The following CAMTA2 variants were observed in gnomAD, a reference collection of about 807,000 sequenced individuals.
CAMTA2 encodes the protein calmodulin-binding transcription activator 2.
Under a neutral mutation model 135.7 loss-of-function variants are expected in CAMTA2, and 56 were observed. The observed-to-expected ratio is 0.41, with a 90% CI of 0.33 to 0.52. The LOEUF is 0.52. CAMTA2 is among the 20% of genes least tolerant of loss of function. The pLI, the probability that CAMTA2 is intolerant of heterozygous loss-of-function variation, is 0.16. For missense variants in CAMTA2, 1,358 were observed against 1,553.4 expected (o/e 0.87, Z 2.11); for synonymous variants, 591 against 604.6 (o/e 0.98, Z 0.33).
At chr17:4,982,935 C>A in intron 4 of CAMTA2, 41 bp downstream of exon 4, 3 of 1,614,130 alleles carry the variant, frequency 1.9e-6, no homozygotes, top group Non-Finnish European at 2.5e-6. Flanking sequence ...GAACAGAACC[C>A]AGGACCCCTG....
intron 10 of CAMTA2, 122 bp downstream of exon 10, chr17:4,978,381 TG>T (rs2045260241): frequency 9.7e-7 from 1 of 1,033,806 alleles, no homozygotes; most frequent in Admixed American, 2.4e-5. Context: ...CAGGACTGGA[TG>T]AAGTCCTTGT....
rs748760001 is a variant in CAMTA2 at position 4,979,672 on chromosome 17, C to G, written c.1638+12G>C. ...TAGGAGGGAGGAGGGAGGAGGTAAG[C>G]CTGAGTCTCACCTCTGGGTAGGACC... On this transcript the variant is annotated intron_variant, in intron 9 of 22. Transcript: ENST00000348066. 1.3e-6 allele frequency: 2 copies of G among 1,569,054 alleles called. No homozygotes were observed. The highest frequency in any genetic ancestry group is 1.8e-6 in the Non-Finnish European group (2 of 1,141,860).
rs1182338409 is a variant in CAMTA2 at position 4,972,501 on chromosome 17, C to G, written c.2539G>C (p.Asp847His). 1 of 1,609,882 alleles carries G rather than the reference C, an allele frequency of 6.2e-7. No homozygotes were observed. Among genetic ancestry groups the G allele is most frequent in the Admixed American group, 1.7e-5 (1 of 58,860 alleles). The change falls in exon 16 of 23, where the codon GAT (aspartate) becomes CAT (histidine). Residue 847 changes from aspartate (D) to histidine (H), a missense_variant. Physicochemically the swap from Asp to His is moderately conservative, Grantham distance 81. Coordinates refer to ENST00000348066, the MANE Select transcript of CAMTA2 (RefSeq NM_015099.4). The stretch of plus-strand genomic sequence containing the variant: ...GCTGACGTGACGGAAAAGGTGCCAT[C>G]CGACAGCTCCGAGGGCGAGGAGACG... Reference protein sequence around the residue: ...SSVSSPSELSDGTFSVTSAYS... With the variant: ...SSVSSPSELSHGTFSVTSAYS...
chr17:4,982,149 G>T lies in CAMTA2; in HGVS notation c.351C>A (p.Gly117=). The T allele has an allele frequency of 7.3e-7, 1 of 1,372,792 alleles. No individual in the cohort carries two copies. The highest frequency in any genetic ancestry group is 9.9e-7 in the Non-Finnish European group (1 of 1,009,316). 85.0% of individuals were successfully genotyped at this position (1,372,792 alleles called of 1,614,324 possible). The part of the protein sequence containing the change: ...LKVQGMECLY[G]CYVHSSIVPT... The stretch of plus-strand genomic sequence containing the variant: ...GGACGATGGAAGAGTGAACGTAGCA[G>T]CCATAGAGACACTGCCAGGAGACAG... The change falls in exon 6 of 23, where the codon GGC becomes GGA. Residue 117 remains glycine, a synonymous_variant. Transcript: ENST00000348066.
In CAMTA2 at chr17:4,980,340, G is replaced by T; in HGVS notation, c.982C>A (p.Leu328Met). ...CCAGCCCGCTGCTCCAGTCCTGTCA[G>T]GAGGAGGATAGCAGTGCCTCCTCTT... ...SSRGGTAILL[L>M]TGLEQRAGGL... The change falls in exon 9 of 23, where the codon CTG (leucine) becomes ATG (methionine). Residue 328 changes from leucine to methionine, a missense_variant. Coordinates refer to ENST00000348066, the MANE Select transcript of CAMTA2 (RefSeq NM_015099.4). The surrounding 1 kb of genome is among the most constrained non-coding windows in gnomAD (Gnocchi z 5.3). 1 of 1,614,040 alleles carries T rather than the reference G, an allele frequency of 6.2e-7. No homozygotes were observed.
intron 16 of CAMTA2, 21 bp downstream of exon 16, chr17:4,972,211 C>G (rs759048840): frequency 6.3e-7 from 1 of 1,599,618 alleles, no homozygotes; most frequent in Admixed American, 1.7e-5. Context: ...GCCCCCATAA[C>G]TCCATCAATA....
intron 1 of CAMTA2, 127 bp downstream of exon 1, chr17:4,987,466 G>A (rs916980666): frequency 3.0e-5 from 42 of 1,386,584 alleles, no homozygotes; most frequent in Non-Finnish European, 3.8e-5. Context: ...GAGGACGGAA[G>A]CGGGAGGTGA....
Position 4,983,043 on chromosome 17 carries a change from C to A in CAMTA2, c.136G>T (p.Glu46Ter). Residue 46 changes from glutamate (E) to a stop codon, truncating the protein, a stop_gained and splice_region_variant, in exon 4 of 23, where the codon GAG (glutamate) becomes TAG (stop). Transcript: ENST00000348066. LOFTEE classifies it high-confidence loss of function. The part of the protein sequence containing the change: ...PERLRWNTNE[E>*]IASYLITFEK... ...AAGGTGATCAGGTAGGATGCAATCT[C>A]CTGTAGGAGAGGAGGCACTCAGCTG... The A allele has an allele frequency of 6.2e-7, 1 of 1,613,746 alleles. No individual in the cohort carries two copies. The highest frequency in any genetic ancestry group is 1.1e-5 in the South Asian group (1 of 91,056).
chr17:4,976,366 C>T (rs1257039169), intron 11 of CAMTA2, among the ~76,000 whole-genome samples: 1 of 152,110 alleles, frequency 6.6e-6, no homozygotes, highest in Non-Finnish European at 1.5e-5. Flanking sequence ...TTAATGAACA[C>T]GTCTTTATAT....
intron 11 of CAMTA2, among the ~76,000 whole-genome samples, chr17:4,976,190 G>C (rs60193288): frequency 0.6 from 90,542 of 151,518 alleles, 27,549 homozygotes; most frequent in African/African-American, 0.66. Context: ...ATTTTTAGTG[G>C]AGACAGGGTT....
intron 1 of CAMTA2, chr17:4,987,302 G>C (rs1033634630): frequency 1.5e-6 from 2 of 1,344,956 alleles, no homozygotes; most frequent in East Asian, 3.1e-5. Context: ...CCGCATAGAG[G>C]GATGTTCTGG....
At chr17:4,981,972 T>C in intron 6 of CAMTA2, 117 bp downstream of exon 6, 1 of 1,265,108 alleles carries the variant, frequency 7.9e-7, no homozygotes, top group Non-Finnish European at 1.1e-6. Context: ...CCCTTTCTCT[T>C]CTTCCCAGGC....
chr17:4,984,576 G>A (rs1281093273), intron 3 of CAMTA2, among the ~76,000 whole-genome samples: 1 of 152,050 alleles, frequency 6.6e-6, no homozygotes. Flanking sequence ...ACACATACAC[G>A]CATCGTTTTA....
intron 5 of CAMTA2, among the ~76,000 whole-genome samples, chr17:4,982,538 G>C (rs1973019076): frequency 6.6e-6 from 1 of 152,352 alleles, no homozygotes; most frequent in East Asian, 1.9e-4. Context: ...TTCTGGAAGG[G>C]AGGCATGGCC....
At chr17:4,976,987 AG>A in intron 11 of CAMTA2, 70 bp downstream of exon 11, 2 of 1,467,284 alleles carry the variant, frequency 1.4e-6, no homozygotes, top group Non-Finnish European at 9.3e-7. Context: ...CTGAACCCTG[AG>A]TGGTCTAGGA....
chr17:4,975,819 C>A (rs1972577083), intron 11 of CAMTA2, among the ~76,000 whole-genome samples: 1 of 152,114 alleles, frequency 6.6e-6, no homozygotes, highest in Admixed American at 6.5e-5. Context: ...AAGCAGAAAG[C>A]AGCAGGTGCA....
In CAMTA2 at chr17:4,985,945, G is replaced by T. The variant is rs751464833; in HGVS notation, c.70C>A (p.Leu24Met). 1.2e-6 allele frequency: 2 copies of T among 1,614,020 alleles called. No individual in the cohort carries two copies. Among genetic ancestry groups the T allele is most frequent in the South Asian group, 2.2e-5 (2 of 91,076 alleles). ...GGGCAGCGAGGAAGACACTCCAGCA[G>T]CTTCTTGGGGAGAAAGATCTTCAGG... ...HHLKIFLPKK[L>M]LECLPRCPLL... Residue 24 changes from leucine (L) to methionine (M), a missense_variant, in exon 3 of 23, where the codon CTG (leucine) becomes ATG (methionine). Around this residue, in one of 4 missense-constraint regions of CAMTA2, gnomAD observed 105 missense variants for 190.9 expected, o/e 0.55. Transcript: ENST00000348066.
At chr17:4,985,030 A>AT (rs35783202) in intron 3 of CAMTA2, among the ~76,000 whole-genome samples, 61,287 of 146,856 alleles carry the variant, frequency 0.42, 13,990 homozygotes, top group Non-Finnish European at 0.53. Context: ...AAAAAAACAA[A>AT]CAAAAATTAG....
chr17:4,977,123 AAGAGCAC>A lies in CAMTA2; in HGVS notation c.1828_1834del (p.Val610LeufsTer31). On this transcript the variant is annotated frameshift_variant, in exon 11 of 23. Transcript: ENST00000348066. LOFTEE classifies it high-confidence loss of function. ...CAGGAATCGGCGGGCTCGATACTCAAAGAGCACAGAAGCAGAAAGGGGCCCCTCCCGC... is the reference window on the plus strand; with the variant it reads ...CAGGAATCGGCGGGCTCGATACTCAAAGAAGCAGAAAGGGGCCCCTCCCGC... 4 of 1,614,122 alleles carry A rather than the reference AAGAGCAC, an allele frequency of 2.5e-6. No homozygotes were observed. The highest frequency in any genetic ancestry group is 3.4e-6 in the Non-Finnish European group (4 of 1,180,010).
Sources: allele counts gnomAD v4.1 joint callset (sites outside exome capture counted in the v4.1 genomes callset), GRCh38; gene constraint gnomAD v4.1.1; regional missense constraint gnomAD v4.1.1; non-coding constraint Gnocchi (gnomAD v3.1); transcripts MANE v1.5; gene names NCBI Gene and HGNC (gene_info 2026-07-23, HGNC 2026-07-21).